Variants in DNAH17 observed in about 807,000 individuals in gnomAD.
DNAH17 encodes the protein dynein axonemal heavy chain 17.
In DNAH17, 376 loss-of-function variants were observed where a neutral mutation model predicts 485.6. That is an observed-to-expected ratio of 0.77 (90% CI 0.71 to 0.84). The LOEUF (loss-of-function observed/expected upper bound fraction) is 0.84, where lower values mean the gene tolerates loss of function less well. Among genes scored for constraint, DNAH17 ranks in the 40% least tolerant of loss-of-function variants. The pLI, the probability that DNAH17 is intolerant of heterozygous loss-of-function variation, is 0.00. For missense variants in DNAH17, 6,370 were observed against 5,839.3 expected (o/e 1.09, Z -2.96); for synonymous variants, 3,031 against 2,405.9 (o/e 1.26, Z -7.60).
At chr17:78,530,558 G>A (rs751924973) in intron 20 of DNAH17, 46 bp from the exon 21 acceptor site, 3 of 1,554,824 alleles carry the variant, frequency 1.9e-6, no homozygotes, top group South Asian at 2.4e-5. Context: ...TGCAAGCCTA[G>A]GGGGGGCGTC....
At chr17:78,549,392 AC>A (rs1244617237) in intron 16 of DNAH17, among the ~76,000 whole-genome samples, 1 of 152,132 alleles carries the variant, frequency 6.6e-6, no homozygotes, top group Non-Finnish European at 1.5e-5. Flanking sequence ...TCCTGAAATG[AC>A]CAGGACAGTG....
rs2091904250 is a variant in DNAH17 at position 78,551,639 on chromosome 17, C to T, written c.2288-1G>A. On this transcript the variant is annotated splice_acceptor_variant, in intron 15 of 80. Transcript: ENST00000389840. LOFTEE classifies it high-confidence loss of function. ...ACCTCTTGAATGTACTGAAACACACCTAAAATGGAAATGTAGAGGAATCTT... is the reference window on the plus strand; with the variant it reads ...ACCTCTTGAATGTACTGAAACACACTTAAAATGGAAATGTAGAGGAATCTT... The T allele has an allele frequency of 1.2e-6, 2 of 1,613,730 alleles. No homozygotes were observed. The highest frequency in any genetic ancestry group is 4.5e-5 in the East Asian group (2 of 44,878).
chr17:78,466,516 C>T (rs975263342), intron 56 of DNAH17, 139 bp downstream of exon 56: 9 of 628,834 alleles, frequency 1.4e-5, no homozygotes, highest in Non-Finnish European at 2.1e-5. Context: ...CTGGCAGCCT[C>T]TTAAACGTTG....
At chr17:78,506,141 T>A (rs970871752) in intron 30 of DNAH17, among the ~76,000 whole-genome samples, 1 of 2,952 alleles carries the variant, frequency 3.4e-4, no homozygotes. Flanking sequence ...ACCTAGTTAA[T>A]TTTTTTTTTT....
chr17:78,446,149 G>A (rs369302706), intron 69 of DNAH17, among the ~76,000 whole-genome samples: 11 of 108,664 alleles, frequency 1.0e-4, no homozygotes, highest in East Asian at 9.8e-4. Flanking sequence ...GCTCTAGCCT[G>A]GGCAACAGAG....
At chr17:78,575,297 G>A (rs566248051) in intron 1 of DNAH17, among the ~76,000 whole-genome samples, 1 of 152,380 alleles carries the variant, frequency 6.6e-6, no homozygotes, top group South Asian at 2.1e-4. Context: ...TGCCCCGGGA[G>A]TGAGGCTGCC....
At position 78,574,934 on chromosome 17, in the gene DNAH17, CTG is replaced by C. The variant is rs1420154931; in HGVS notation, c.122_123del (p.Thr41ArgfsTer4). 5.6e-6 allele frequency: 9 copies of C among 1,613,936 alleles called. No homozygotes were observed. The highest frequency in any genetic ancestry group is 1.3e-5 in the African/African-American group (1 of 74,940). On this transcript the variant is annotated frameshift_variant, in exon 2 of 81. Coordinates refer to ENST00000389840, the MANE Select transcript of DNAH17 (RefSeq NM_173628.4). LOFTEE classifies it high-confidence loss of function. ...IGAEENVALF[T>X]EFFEKPDVQV... ...TGGACGTCGGGCTTTTCAAAGAACTCTGTGAACAGGGCCACGTTCTCCTCGGC... is the reference window on the plus strand; with the variant it reads ...TGGACGTCGGGCTTTTCAAAGAACTCTGAACAGGGCCACGTTCTCCTCGGC...
Position 78,537,626 on chromosome 17 carries a change from C to T in DNAH17, c.2677-145G>A, listed in dbSNP as rs1197253079. On this transcript the variant is annotated intron_variant, in intron 18 of 80. Transcript: ENST00000389840. ...GCTTCTGAGAGCTCGTGTCTCAGCG[C>T]ACCCCGCTCCTTGAGCAATCGCTAC... 3 of 987,658 alleles carry T rather than the reference C, an allele frequency of 3.0e-6. No homozygotes were observed. The Admixed American group carries it at 7.0e-5, about 23-fold the overall frequency. The allele number at this position is 987,658 out of a possible 1,614,324, so 61.2% of individuals were successfully genotyped here.
chr17:78,434,111 C>T lies in DNAH17; in HGVS notation c.12143G>A (p.Trp4048Ter). The change falls in exon 75 of 81, where the codon TGG becomes TAG. Residue 4048 changes from tryptophan (W) to a stop codon, truncating the protein, a stop_gained. Coordinates refer to ENST00000389840, the MANE Select transcript of DNAH17 (RefSeq NM_173628.4). LOFTEE classifies it high-confidence loss of function. ...AERRKFGAQG[W>*]NRSYPFNNGD... Reference sequence around the variant, plus strand: ...GTTGTTGAAGGGGTACGACCGGTTCCAGCCCTGGGCGCCGAACTTGCGCCT... The same window carrying T: ...GTTGTTGAAGGGGTACGACCGGTTCTAGCCCTGGGCGCCGAACTTGCGCCT... The T allele has an allele frequency of 6.2e-7, 1 of 1,613,684 alleles. No individual in the cohort carries two copies. Among genetic ancestry groups the T allele is most frequent in the Non-Finnish European group, 8.5e-7 (1 of 1,179,852 alleles).
intron 9 of DNAH17, among the ~76,000 whole-genome samples, chr17:78,567,981 G>A (rs2092295254): frequency 6.6e-6 from 1 of 152,108 alleles, no homozygotes. Flanking sequence ...CTGGTGCTGA[G>A]GTTGGTGCTA....
intron 2 of DNAH17, among the ~76,000 whole-genome samples, chr17:78,574,015 G>A (rs2092398706): frequency 6.6e-6 from 1 of 152,144 alleles, no homozygotes; most frequent in Non-Finnish European, 1.5e-5. Flanking sequence ...CCTTTCTTAA[G>A]TCAAAGTCTC....
At chr17:78,492,970 C>A in intron 41 of DNAH17, 1 of 458,912 alleles carries the variant, frequency 2.2e-6, no homozygotes, top group Non-Finnish European at 3.7e-6. Flanking sequence ...CTTGCCTTAG[C>A]TTCCCAAGTA....
intron 26 of DNAH17, among the ~76,000 whole-genome samples, chr17:78,511,839 G>A (rs190027843): frequency 1.0e-3 from 157 of 152,338 alleles, no homozygotes; most frequent in Non-Finnish European, 7.8e-4. Flanking sequence ...CCGCCCAAGC[G>A]TCTCTCCCAG....
chr17:78,557,916 G>A (rs945039049), intron 14 of DNAH17, among the ~76,000 whole-genome samples, 192 bp downstream of exon 14: 2 of 152,056 alleles, frequency 1.3e-5, no homozygotes, highest in Admixed American at 6.6e-5. Flanking sequence ...CTGACTCCCT[G>A]GCTCAGGAAT....
At chr17:78,424,310 T>A in intron 80 of DNAH17, 157 bp from the exon 81 acceptor site, 1 of 885,944 alleles carries the variant, frequency 1.1e-6, no homozygotes, top group Non-Finnish European at 1.7e-6. Flanking sequence ...GCAGAGGCCT[T>A]CGTAGGTGAT....
intron 18 of DNAH17, among the ~76,000 whole-genome samples, chr17:78,538,717 GAC>G (rs1265873334): frequency 6.6e-6 from 1 of 152,164 alleles, no homozygotes; most frequent in East Asian, 1.9e-4. Context: ...CTTTCACTGG[GAC>G]AGTCTGTAGT....
chr17:78,471,630 G>A (rs1453001646), intron 54 of DNAH17, among the ~76,000 whole-genome samples: 2 of 152,110 alleles, frequency 1.3e-5, no homozygotes, highest in Non-Finnish European at 2.9e-5. Flanking sequence ...TGGGCTCAAG[G>A]GATCCTCCTT....
intron 69 of DNAH17, among the ~76,000 whole-genome samples, chr17:78,448,794 G>T (rs150119559): frequency 1.3e-5 from 2 of 152,106 alleles, no homozygotes; most frequent in Non-Finnish European, 2.9e-5. Context: ...GCTCTCTCTC[G>T]CCCTCTAGCC....
intron 30 of DNAH17, 90 bp from the exon 31 acceptor site, chr17:78,505,535 C>A: frequency 6.5e-7 from 1 of 1,549,298 alleles, no homozygotes; most frequent in Non-Finnish European, 8.8e-7. Flanking sequence ...TTTTAGGCAT[C>A]GTTCTTTTTG....
Sources: gnomAD v4.1 joint callset for allele counts (sites outside exome capture counted in the v4.1 genomes callset) on GRCh38, gnomAD v4.1.1 for gene constraint, MANE v1.5 for transcripts, NCBI Gene and HGNC (gene_info 2026-07-23, HGNC 2026-07-21) for gene names.